Variants in DENND2B observed in about 807,000 individuals in gnomAD.
DENND2B encodes the protein DENN domain containing 2B, also known as DENN domain-containing protein 2B.
Under a neutral mutation model 116.0 loss-of-function variants are expected in DENND2B, and 32 were observed. The ratio of observed to expected loss-of-function variants is 0.28; its 90% CI spans 0.21 to 0.37. The LOEUF is 0.37. Ranked by LOEUF, DENND2B falls within the 10% of genes least tolerant of loss-of-function variation. The pLI, the probability that DENND2B is intolerant of heterozygous loss-of-function variation, is 1.00. For missense variants in DENND2B, 1,276 were observed against 1,477.7 expected, an observed-to-expected ratio of 0.86 and a Z score of 2.24; for synonymous variants, 588 against 583.9, an observed-to-expected ratio of 1.01 and a Z score of -0.10.
chr11:8,853,373 AAAAAG>A (rs1263650341), intron 3 of DENND2B, among the ~76,000 whole-genome samples: 2 of 152,172 alleles, frequency 1.3e-5, no homozygotes, highest in African/African-American at 2.4e-5. Flanking sequence ...CTCAAAAAAC[AAAAAG>A]AAAAGAAAAG....
chr11:8,826,105 A>G (rs978721861), intron 4 of DENND2B, among the ~76,000 whole-genome samples: 1 of 152,226 alleles, frequency 6.6e-6, no homozygotes, highest in Non-Finnish European at 1.5e-5. Context: ...ACAAGAAGAT[A>G]GAAAACTACC....
chr11:8,803,569 T>C (rs374713045), intron 1 of DENND2B, among the ~76,000 whole-genome samples: 2 of 152,220 alleles, frequency 1.3e-5, no homozygotes, highest in South Asian at 2.1e-4. Context: ...TACCGCTATA[T>C]GTAGGCAGAG....
At chr11:8,695,659 A>T (rs2040226811) in intron 18 of DENND2B, 110 bp from the exon 19 acceptor site, 1 of 895,744 alleles carries the variant, frequency 1.1e-6, no homozygotes, top group Middle Eastern at 2.5e-4. Flanking sequence ...GAGAAAGAAA[A>T]CATCTGGGAT....
chr11:8,741,144 T>C (rs1229738306), intron 2 of DENND2B, among the ~76,000 whole-genome samples: 4 of 152,204 alleles, frequency 2.6e-5, no homozygotes, highest in African/African-American at 4.8e-5. Context: ...TAGGCCACCA[T>C]CTATAGAGAT....
At chr11:8,796,275 C>T (rs2059805732) in intron 1 of DENND2B, among the ~76,000 whole-genome samples, 1 of 152,232 alleles carries the variant, frequency 6.6e-6, no homozygotes, top group Non-Finnish European at 1.5e-5. Flanking sequence ...GACACAGTGG[C>T]TCACGCCTGT....
intron 11 of DENND2B, chr11:8,708,247 C>G: frequency 1.0e-6 from 1 of 985,488 alleles, no homozygotes; most frequent in Non-Finnish European, 1.2e-6. Context: ...TTAGGACAAG[C>G]CATTGTAGCT....
chr11:8,743,690 A>G (rs2050681707), intron 2 of DENND2B, among the ~76,000 whole-genome samples: 1 of 151,938 alleles, frequency 6.6e-6, no homozygotes, highest in Non-Finnish European at 1.5e-5. Context: ...AATCTTAAAA[A>G]CCTTTGTCCC....
intron 2 of DENND2B, among the ~76,000 whole-genome samples, chr11:8,749,569 G>A (rs1446529122): frequency 6.6e-6 from 1 of 152,216 alleles, no homozygotes; most frequent in African/African-American, 2.4e-5. Context: ...TCACTCCCCA[G>A]GGGCTACATC....
chr11:8,817,695 C>T (rs1462006509), intron 4 of DENND2B, among the ~76,000 whole-genome samples: 1 of 152,200 alleles, frequency 6.6e-6, no homozygotes, highest in Non-Finnish European at 1.5e-5. Flanking sequence ...CACCTCCGCT[C>T]AGCTCACAAC....
In DENND2B at chr11:8,790,092, A is replaced by G. The variant is rs575561201; in HGVS notation, c.-26+20425T>C. 5.9e-5 allele frequency among the ~76,000 whole-genome samples: 9 copies of G among 151,926 alleles called. No homozygotes were observed. In the South Asian group the frequency reaches 1.9e-3, roughly 32 times the overall value. On this transcript the variant is annotated intron_variant, in intron 1 of 19. Coordinates refer to ENST00000313726, the MANE Select transcript of DENND2B (RefSeq NM_213618.2). Reference sequence around the variant, plus strand: ...ACGACCAACTGGGACTTCCCTGCACACTCTACACTTACAGCTTCACTCCTG... The same window carrying G: ...ACGACCAACTGGGACTTCCCTGCACGCTCTACACTTACAGCTTCACTCCTG...
chr11:8,775,000 C>A (rs1003027570), intron 1 of DENND2B, among the ~76,000 whole-genome samples: 1 of 151,996 alleles, frequency 6.6e-6, no homozygotes, highest in East Asian at 1.9e-4. Flanking sequence ...CCCACCTCAG[C>A]CTCCTGAGTA....
intron 1 of DENND2B, among the ~76,000 whole-genome samples, chr11:8,760,914 G>A (rs987009456): frequency 1.3e-5 from 2 of 152,110 alleles, no homozygotes; most frequent in African/African-American, 2.4e-5. Flanking sequence ...ATCAGCCACA[G>A]GAAAGACAAT....
chr11:8,859,774 C>T (rs998712968), intron 2 of DENND2B, among the ~76,000 whole-genome samples: 1 of 152,196 alleles, frequency 6.6e-6, no homozygotes, highest in Non-Finnish European at 1.5e-5. Flanking sequence ...ACTACCCTAT[C>T]AGTCCCATCT....
At chr11:8,698,440 T>A (rs572098897) in intron 16 of DENND2B, among the ~76,000 whole-genome samples, 1 of 152,332 alleles carries the variant, frequency 6.6e-6, no homozygotes, top group East Asian at 1.9e-4. Flanking sequence ...TACATTTCCA[T>A]AGGGGAGAGC....
chr11:8,894,656 C>A (rs2064077147), intron 1 of DENND2B, among the ~76,000 whole-genome samples: 1 of 152,144 alleles, frequency 6.6e-6, no homozygotes, highest in East Asian at 1.9e-4. Context: ...AAATGCTCAC[C>A]ATCACTGGCC....
At chr11:8,757,177 T>C in intron 1 of DENND2B, 1 of 445,424 alleles carries the variant, frequency 2.2e-6, no homozygotes, top group Non-Finnish European at 4.5e-6. Context: ...CTTGCTCCAG[T>C]GAGTGTCAAA....
chr11:8,698,286 G>C (rs2040821246), intron 16 of DENND2B, among the ~76,000 whole-genome samples: 1 of 152,062 alleles, frequency 6.6e-6, no homozygotes, highest in Admixed American at 6.6e-5. Flanking sequence ...GTTGGCTTGG[G>C]GCAGGGGGAC....
intron 1 of DENND2B, among the ~76,000 whole-genome samples, chr11:8,901,229 CTTT>C (rs1555223231): frequency 1.7e-4 from 14 of 83,920 alleles, no homozygotes; most frequent in Admixed American, 4.9e-4. Flanking sequence ...CTTTTCTTTT[CTTT>C]TTTTTTTTTT....
Position 8,707,860 on chromosome 11 carries a change from C to T in DENND2B, c.2353-6G>A, listed in dbSNP as rs764132429. The stretch of plus-strand genomic sequence containing the variant: ...CGGGGCCCTTTCCCACTTGGCTGGG[C>T]CAGGACAAGGAGGAGGAGGAGAGAG... On this transcript the variant is annotated splice_region_variant and splice_polypyrimidine_tract_variant and intron_variant, in intron 11 of 19. Transcript: ENST00000313726. The surrounding 1 kb of genome is among the most constrained non-coding windows in gnomAD (Gnocchi z 4.8). The T allele has an allele frequency of 1.2e-6, 2 of 1,606,658 alleles. No individual in the cohort carries two copies. Among genetic ancestry groups the T allele is most frequent in the Middle Eastern group, 3.3e-4 (2 of 6,058 alleles).
Sources: gnomAD v4.1 joint callset for allele counts (sites outside exome capture counted in the v4.1 genomes callset) on GRCh38, gnomAD v4.1.1 for gene constraint, Gnocchi (gnomAD v3.1) non-coding constraint, MANE v1.5 for transcripts, NCBI Gene and HGNC (gene_info 2026-07-23, HGNC 2026-07-21) for gene names.